The following ATF2 variants were observed in gnomAD, a reference collection of about 807,000 sequenced individuals.
ATF2 encodes the protein cyclic AMP-dependent transcription factor ATF-2.
ATF2 carries 24 observed loss-of-function variants against 60.6 expected under a neutral mutation model. That is an observed-to-expected ratio of 0.40 (90% CI 0.29 to 0.56). ATF2 has a LOEUF of 0.56. Among genes scored for constraint, ATF2 ranks in the 20% least tolerant of loss-of-function variants. The pLI is 0.54. For synonymous variants in ATF2, 206 were observed against 215.4 expected (o/e 0.96, Z 0.38); for missense variants, 433 against 607.7 (o/e 0.71, Z 3.02).
chr2:175,136,747 T>A (rs954587547), intron 2 of ATF2, among the ~76,000 whole-genome samples: 1 of 152,158 alleles, frequency 6.6e-6, no homozygotes, highest in Non-Finnish European at 1.5e-5. Context: ...CTTAGGGCTG[T>A]GATTGAAGGG....
At chr2:175,108,857 G>T (rs999684651) in intron 10 of ATF2, among the ~76,000 whole-genome samples, 1 of 152,190 alleles carries the variant, frequency 6.6e-6, no homozygotes, top group South Asian at 2.1e-4. Context: ...GGATGCTGTT[G>T]ATCTATGACC....
intron 10 of ATF2, among the ~76,000 whole-genome samples, chr2:175,104,671 A>G (rs1695527501): frequency 6.6e-6 from 1 of 152,184 alleles, no homozygotes; most frequent in Admixed American, 6.5e-5. Flanking sequence ...CCCATCTTCA[A>G]TGTTCTTCAG....
intron 13 of ATF2, among the ~76,000 whole-genome samples, chr2:175,079,448 C>A (rs945687980): frequency 6.6e-6 from 1 of 151,996 alleles, no homozygotes; most frequent in Non-Finnish European, 1.5e-5. Flanking sequence ...ATCCCTGAAG[C>A]AATCATTGTT....
At chr2:175,114,136 T>TA in intron 8 of ATF2, 28 bp from the exon 9 acceptor site, 1 of 1,546,008 alleles carries the variant, frequency 6.5e-7, no homozygotes, top group Non-Finnish European at 8.7e-7. Context: ...AGAGAAATTT[T>TA]AAAAAAGAGA....
intron 12 of ATF2, among the ~76,000 whole-genome samples, chr2:175,085,812 A>G (rs780815820): frequency 3.9e-4 from 59 of 152,204 alleles, no homozygotes; most frequent in Non-Finnish European, 1.9e-4. Flanking sequence ...GCTACAACGT[A>G]TATTTGTGCT....
chr2:175,118,411 G>C, intron 5 of ATF2, 42 bp from the exon 6 acceptor site: 1 of 1,489,250 alleles, frequency 6.7e-7, no homozygotes, highest in Non-Finnish European at 9.3e-7. Flanking sequence ...ATTTAAATAT[G>C]TTAAGACTCT....
chr2:175,139,453 C>T (rs1698354357), intron 2 of ATF2, among the ~76,000 whole-genome samples: 1 of 151,964 alleles, frequency 6.6e-6, no homozygotes, highest in South Asian at 2.1e-4. Context: ...GGGCAAATCA[C>T]CTGAGGTCAG....
intron 10 of ATF2, among the ~76,000 whole-genome samples, chr2:175,108,243 G>A (rs956780890): frequency 2.6e-5 from 4 of 151,174 alleles, no homozygotes; most frequent in African/African-American, 7.3e-5. Context: ...GAAGTGAGGA[G>A]CCCCTCCGCC....
chr2:175,075,832 T>C (rs1693252944), intron 13 of ATF2, among the ~76,000 whole-genome samples: 2 of 152,204 alleles, frequency 1.3e-5, no homozygotes, highest in South Asian at 4.1e-4. Flanking sequence ...TAGGCATGTA[T>C]CCCTAAACAA....
intron 12 of ATF2, chr2:175,092,742 A>G (rs1187266720): frequency 1.1e-5 from 4 of 376,072 alleles, no homozygotes; most frequent in Non-Finnish European, 2.0e-5. Context: ...GAAAAGTGAA[A>G]TAACAGTGAT....
chr2:175,142,724 T>A (rs201430940), intron 2 of ATF2, among the ~76,000 whole-genome samples: 234 of 127,818 alleles, frequency 1.8e-3, no homozygotes, highest in African/African-American at 3.8e-3. Flanking sequence ...AGAGAGAGTG[T>A]GTGTGTGTGT....
intron 10 of ATF2, among the ~76,000 whole-genome samples, chr2:175,104,499 C>A (rs1283572486): frequency 6.6e-6 from 1 of 152,016 alleles, no homozygotes; most frequent in Admixed American, 6.6e-5. Context: ...GGTGAAGAGT[C>A]AGAAAAATCA....
intron 2 of ATF2, among the ~76,000 whole-genome samples, chr2:175,149,488 G>C (rs1699166741): frequency 1.3e-5 from 2 of 152,166 alleles, no homozygotes; most frequent in African/African-American, 4.8e-5. Context: ...AAGTATAGAA[G>C]ATGGGCAGCA....
chr2:175,115,323 A>G (rs908069668), intron 7 of ATF2, among the ~76,000 whole-genome samples: 4 of 152,178 alleles, frequency 2.6e-5, no homozygotes, highest in African/African-American at 9.7e-5. Context: ...AGAAATAAGA[A>G]CTTTTAGAGC....
intron 13 of ATF2, among the ~76,000 whole-genome samples, chr2:175,076,152 AAAATT>A (rs1276282341): frequency 1.8e-4 from 27 of 152,322 alleles, no homozygotes; most frequent in African/African-American, 6.5e-4. Flanking sequence ...TAGCTAAAAT[AAAATT>A]ATTAATTTTG....
At chr2:175,153,095 T>C (rs1189649570) in intron 1 of ATF2, among the ~76,000 whole-genome samples, 7 of 151,498 alleles carry the variant, frequency 4.6e-5, no homozygotes, top group South Asian at 2.1e-4. Context: ...ACTGGTATTG[T>C]CATTTCAAGC....
chr2:175,088,267 A>G (rs930033293), intron 12 of ATF2, among the ~76,000 whole-genome samples: 2 of 152,182 alleles, frequency 1.3e-5, no homozygotes, highest in Admixed American at 1.3e-4. Context: ...ACTCAGTGGA[A>G]AAACGTGGAA....
intron 2 of ATF2, among the ~76,000 whole-genome samples, chr2:175,140,565 T>C (rs1348897120): frequency 6.6e-6 from 1 of 152,150 alleles, no homozygotes; most frequent in Non-Finnish European, 1.5e-5. Context: ...ATTGTGGTGA[T>C]GGTTTTATGG....
At chr2:175,142,641 A>G (rs192496063) in intron 2 of ATF2, among the ~76,000 whole-genome samples, 34 of 150,972 alleles carry the variant, frequency 2.3e-4, no homozygotes, top group Non-Finnish European at 4.6e-4. Context: ...ATCCTGTATA[A>G]ATGATCAATC....
Sources: gnomAD v4.1 joint callset for allele counts (sites outside exome capture counted in the v4.1 genomes callset) on GRCh38, gnomAD v4.1.1 for gene constraint, MANE v1.5 for transcripts, NCBI Gene and HGNC (gene_info 2026-07-23, HGNC 2026-07-21) for gene names.